CIT: variants seen among roughly 807,000 people sequenced by gnomAD.
CIT encodes the protein citron Rho-interacting kinase.
In CIT, 79 loss-of-function variants were observed where a neutral mutation model predicts 272.7. The ratio of observed to expected loss-of-function variants is 0.29; its 90% CI spans 0.24 to 0.35. The LOEUF (loss-of-function observed/expected upper bound fraction) is 0.35, where lower values mean the gene tolerates loss of function less well. Among genes scored for constraint, CIT ranks in the 10% least tolerant of loss-of-function variants. The probability of loss-of-function intolerance (pLI) is 1.00; values close to 1 mark genes in which losing one functional copy is unlikely to be tolerated. For synonymous variants in CIT, 948 were observed against 995.6 expected, an observed-to-expected ratio of 0.95 and a Z score of 0.90; for missense variants, 1,909 against 2,618.3, an observed-to-expected ratio of 0.73 and a Z score of 5.91.
intron 10 of CIT, among the ~76,000 whole-genome samples, chr12:119,797,485 T>C (rs747371285): frequency 6.6e-6 from 1 of 152,104 alleles, no homozygotes; most frequent in Non-Finnish European, 1.5e-5. Context: ...AAACATCTAA[T>C]CCAGATAATG....
At chr12:119,843,349 G>A (rs1464372675) in intron 5 of CIT, among the ~76,000 whole-genome samples, 1 of 152,140 alleles carries the variant, frequency 6.6e-6, no homozygotes, top group Admixed American at 6.5e-5. Flanking sequence ...CCTGGGAGAA[G>A]GGCCAGACAG....
chr12:119,784,040 T>C lies in CIT; in HGVS notation c.1413A>G (p.Glu471=). Residue 471 remains glutamate, a synonymous_variant, in exon 12 of 48, where the codon GAA becomes GAG. Coordinates refer to ENST00000392521, the MANE Select transcript of CIT (RefSeq NM_001206999.2). This position sits in a 1 kb window ranked among gnomAD's most constrained non-coding sequence, Gnocchi z 4.7. ...ACACTCTCCGATGTAACCGGGTCAT[T>C]TCCTGCTCCATCTGAAATAAACACA... The part of the protein sequence containing the change: ...SQDKCHKMEQ[E]MTRLHRRVSE... 6.2e-7 allele frequency: 1 copy of C among 1,612,248 alleles called. No homozygotes were observed. The highest frequency in any genetic ancestry group is 8.5e-7 in the Non-Finnish European group (1 of 1,179,070).
intron 5 of CIT, among the ~76,000 whole-genome samples, chr12:119,838,550 C>G (rs1008305206): frequency 6.6e-6 from 1 of 152,154 alleles, no homozygotes; most frequent in Non-Finnish European, 1.5e-5. Context: ...GATTCAGAGG[C>G]AGCTAGCCCA....
intron 9 of CIT, among the ~76,000 whole-genome samples, chr12:119,808,928 G>A (rs1966751351): frequency 6.6e-6 from 1 of 152,226 alleles, no homozygotes; most frequent in Non-Finnish European, 1.5e-5. Flanking sequence ...AGGAGAATAT[G>A]TGTGTTGTTC....
intron 5 of CIT, among the ~76,000 whole-genome samples, chr12:119,846,273 T>A (rs944148609): frequency 2.0e-5 from 3 of 152,164 alleles, no homozygotes; most frequent in African/African-American, 7.2e-5. Flanking sequence ...AATCCTCAAC[T>A]GAGTTCCTTC....
intron 5 of CIT, among the ~76,000 whole-genome samples, chr12:119,845,926 G>A (rs1015051020): frequency 6.9e-6 from 1 of 144,774 alleles, no homozygotes; most frequent in African/African-American, 2.7e-5. Flanking sequence ...GGGCAACACG[G>A]CAAGACTCCA....
At chr12:119,773,229 G>A (rs868700775) in intron 16 of CIT, among the ~76,000 whole-genome samples, 1 of 152,064 alleles carries the variant, frequency 6.6e-6, no homozygotes, top group Non-Finnish European at 1.5e-5. Context: ...TGGTGTATCT[G>A]ACCATCATTA....
Position 119,784,282 on chromosome 12 carries a change from G to A in CIT, c.1402-231C>T. 1 of 1,558,748 alleles carries A rather than the reference G, an allele frequency of 6.4e-7. No individual in the cohort carries two copies. The highest frequency in any genetic ancestry group is 8.7e-7 in the Non-Finnish European group (1 of 1,146,606). On this transcript the variant is annotated intron_variant, in intron 11 of 47. Transcript: ENST00000392521. This position sits in a 1 kb window ranked among gnomAD's most constrained non-coding sequence, Gnocchi z 4.7. ...CTCATTCAAGTCCCGGTTCACACTT[G>A]ATCACTTCTCTAACCCAGTTAGCAA...
Position 119,822,825 on chromosome 12 carries a change from C to T in CIT, c.1106G>A (p.Arg369His), listed in dbSNP as rs200303267. 1.4e-5 allele frequency: 23 copies of T among 1,613,892 alleles called. No individual in the cohort carries two copies. The East Asian group carries it at 1.6e-4, about 11-fold the overall frequency. ...FFSKIDWNNI[R>H]NSPPPFVPTL... ...AGGAAAACAGCCCTACTTACAGTTA[C>T]GAATGTTGTTCCAGTCAATTTTAGA... is the stretch of plus-strand genomic sequence containing the variant. Residue 369 changes from arginine to histidine, a missense_variant, in exon 9 of 48, where the codon CGT becomes CAT. By Grantham distance (29) the Arg-to-His change is conservative. This residue lies in a region of CIT where 529 missense variants were observed against 549.6 expected (regional missense o/e 0.96). Coordinates refer to ENST00000392521, the MANE Select transcript of CIT (RefSeq NM_001206999.2).
chr12:119,728,609 A>G lies in CIT; in HGVS notation c.3487-3T>C. ...TGCTTCTTCTCCAGGTCATTGAGCT[A>G]GACATTTGGAAAGATTGGCATAATG... On this transcript the variant is annotated splice_polypyrimidine_tract_variant and splice_region_variant and intron_variant, in intron 27 of 47. Coordinates refer to ENST00000392521, the MANE Select transcript of CIT (RefSeq NM_001206999.2). This position sits in a 1 kb window ranked among gnomAD's most constrained non-coding sequence, Gnocchi z 4.3. 6.3e-7 allele frequency: 1 copy of G among 1,596,140 alleles called. No individual in the cohort carries two copies. Among genetic ancestry groups the G allele is most frequent in the Non-Finnish European group, 8.6e-7 (1 of 1,166,966 alleles).
At chr12:119,864,117 T>C (rs1018603290) in intron 3 of CIT, among the ~76,000 whole-genome samples, 4 of 151,872 alleles carry the variant, frequency 2.6e-5, no homozygotes, top group Non-Finnish European at 5.9e-5. Flanking sequence ...GTGTATTGTT[T>C]GCAATAAGAA....
intron 28 of CIT, among the ~76,000 whole-genome samples, chr12:119,727,503 T>C (rs930994924): frequency 6.6e-6 from 1 of 152,112 alleles, no homozygotes; most frequent in Non-Finnish European, 1.5e-5. Flanking sequence ...TCGGGTACGA[T>C]ATACACTATT....
intron 10 of CIT, among the ~76,000 whole-genome samples, chr12:119,797,573 G>C (rs1965838380): frequency 6.6e-6 from 1 of 152,166 alleles, no homozygotes; most frequent in African/African-American, 2.4e-5. Flanking sequence ...AACTTGTCTG[G>C]GAAATACAGC....
At chr12:119,688,419 G>A (rs1955702609) in intron 47 of CIT, among the ~76,000 whole-genome samples, 164 bp from the exon 48 acceptor site, 1 of 152,274 alleles carries the variant, frequency 6.6e-6, no homozygotes, top group Non-Finnish European at 1.5e-5. Flanking sequence ...GGGGAAGCCA[G>A]GGAGTGAAAC....
In CIT at chr12:119,719,005, G is replaced by A. The variant is rs181397162; in HGVS notation, c.3841-144C>T. The A allele has an allele frequency of 1.2e-3, 903 of 781,404 alleles. 4 individuals are homozygous for A. The African/African-American group carries it at 0.014, about 12-fold the overall frequency. The allele number at this position is 781,404 out of a possible 1,614,324, so 48.4% of individuals were successfully genotyped here. On this transcript the variant is annotated intron_variant, in intron 30 of 47. Transcript: ENST00000392521. ...GTATTTAGTAAAAATGGCATGTGAA[G>A]GGGGGGAAGGGTAGGCTGAGCCACA...
At chr12:119,871,564 A>C (rs1208426153) in intron 2 of CIT, among the ~76,000 whole-genome samples, 1 of 152,100 alleles carries the variant, frequency 6.6e-6, no homozygotes, top group Non-Finnish European at 1.5e-5. Flanking sequence ...TTTATTAACA[A>C]GTTCCCCAGC....
intron 7 of CIT, among the ~76,000 whole-genome samples, chr12:119,829,992 G>A (rs183668339): frequency 6.5e-4 from 99 of 151,694 alleles, no homozygotes; most frequent in Non-Finnish European, 1.0e-3. Flanking sequence ...ATGAGTACAG[G>A]CAACATTTAG....
chr12:119,864,228 A>G lies in CIT; in HGVS notation c.238+4832T>C, dbSNP rs533601640. ...AGTGAATATAGCTCAAATGGTAGTA[A>G]TTCAGCTACTGTCAAATTGCCAATA... On this transcript the variant is annotated intron_variant, in intron 3 of 47. Coordinates refer to ENST00000392521, the MANE Select transcript of CIT (RefSeq NM_001206999.2). 1.4e-4 allele frequency among the ~76,000 whole-genome samples: 21 copies of G among 152,362 alleles called. No homozygotes were observed. In the East Asian group the frequency reaches 4.0e-3, roughly 29 times the overall value.
chr12:119,835,568 G>A (rs551638759), intron 5 of CIT, among the ~76,000 whole-genome samples: 5 of 152,060 alleles, frequency 3.3e-5, no homozygotes, highest in Admixed American at 1.3e-4. Context: ...TGTCTCATAT[G>A]CTTTCTGGGA....
Sources: allele counts gnomAD v4.1 joint callset (sites outside exome capture counted in the v4.1 genomes callset), GRCh38; gene constraint gnomAD v4.1.1; regional missense constraint gnomAD v4.1.1; non-coding constraint Gnocchi (gnomAD v3.1); transcripts MANE v1.5; gene names NCBI Gene and HGNC (gene_info 2026-07-23, HGNC 2026-07-21).